The following CRISP1 variants were observed in gnomAD, a reference collection of about 807,000 sequenced individuals.
CRISP1 encodes cysteine-rich secretory protein 1.
Under a neutral mutation model 33.1 loss-of-function variants are expected in CRISP1, and 44 were observed. The observed-to-expected ratio is 1.33, with a 90% confidence interval of 1.05 to 1.71. The LOEUF is 1.71. Ranked by LOEUF, CRISP1 falls within the 40% of genes most tolerant of loss-of-function variation. CRISP1 has a pLI of 0.00. For missense variants in CRISP1, 390 were observed against 301.2 expected, an observed-to-expected ratio of 1.29 and a Z score of -2.18; for synonymous variants, 103 against 98.7, an observed-to-expected ratio of 1.04 and a Z score of -0.26.
At chr6:49,859,892 T>C (rs956385390) in intron 1 of CRISP1, among the ~76,000 whole-genome samples, 4 of 152,072 alleles carry the variant, frequency 2.6e-5, no homozygotes, top group Admixed American at 6.6e-5. Context: ...AAGATAGATA[T>C]AGACTGAAAG....
chr6:49,873,457 C>T (rs1441325942), intron 1 of CRISP1, among the ~76,000 whole-genome samples: 1 of 152,044 alleles, frequency 6.6e-6, no homozygotes, highest in African/African-American at 2.4e-5. Flanking sequence ...CAGCCAGGTC[C>T]TAGCATAAAG....
chr6:49,837,680 C>A (rs1582253189), intron 7 of CRISP1, among the ~76,000 whole-genome samples: 1 of 151,924 alleles, frequency 6.6e-6, no homozygotes. Context: ...AAATAAGTGG[C>A]CTTTCAAGTC....
At chr6:49,857,256 T>TA (rs1228525085) in intron 2 of CRISP1, 79 bp downstream of exon 2, 1 of 1,421,992 alleles carries the variant, frequency 7.0e-7, no homozygotes, top group Admixed American at 1.8e-5. Flanking sequence ...ACAGTGCCTC[T>TA]AACATGGTGA....
chr6:49,848,130 A>T, intron 4 of CRISP1, 79 bp downstream of exon 4: 1 of 773,134 alleles, frequency 1.3e-6, no homozygotes, highest in Non-Finnish European at 2.1e-6. Flanking sequence ...ATTTACTTTC[A>T]TCAGGGTACA....
At chr6:49,837,856 C>A (rs3799689) in intron 7 of CRISP1, among the ~76,000 whole-genome samples, 3 of 151,004 alleles carry the variant, frequency 2.0e-5, no homozygotes, top group East Asian at 3.9e-4. Context: ...GAAATGGCAC[C>A]CATTTGGCTA....
chr6:49,836,447 T>TGCCTCA (rs1261560522), intron 7 of CRISP1, among the ~76,000 whole-genome samples: 5 of 151,728 alleles, frequency 3.3e-5, no homozygotes, highest in Non-Finnish European at 7.4e-5. Flanking sequence ...GCCATTCTCC[T>TGCCTCA]GCCTCAGCCT....
chr6:49,862,263 A>G (rs1165706627), intron 1 of CRISP1, among the ~76,000 whole-genome samples: 1 of 152,196 alleles, frequency 6.6e-6, no homozygotes, highest in African/African-American at 2.4e-5. Context: ...ACGTAAAGAT[A>G]AATTTTACCA....
rs147433986 is a variant in CRISP1 at position 49,836,661 on chromosome 6, A to T, written c.623-1218T>A. ...GCCTACAAATTTTAAATTTACATTTATGTCTTACTGTTTATTATTTTAGTG... is the reference window on the plus strand; with the variant it reads ...GCCTACAAATTTTAAATTTACATTTTTGTCTTACTGTTTATTATTTTAGTG... On this transcript the variant is annotated intron_variant, in intron 7 of 7. Coordinates refer to ENST00000335847, the MANE Select transcript of CRISP1 (RefSeq NM_001131.3). 1.8e-4 allele frequency among the ~76,000 whole-genome samples: 28 copies of T among 152,214 alleles called. No homozygotes were observed. The East Asian group carries it at 5.0e-3, about 27-fold the overall frequency.
chr6:49,842,346 A>C (rs993962792), intron 5 of CRISP1, among the ~76,000 whole-genome samples: 1 of 152,172 alleles, frequency 6.6e-6, no homozygotes, highest in East Asian at 1.9e-4. Flanking sequence ...CTGAACATCT[A>C]TTTTGCTATG....
At chr6:49,857,476 C>A in intron 1 of CRISP1, 74 bp from the exon 2 acceptor site, 1 of 1,394,032 alleles carries the variant, frequency 7.2e-7, no homozygotes, top group African/African-American at 1.4e-5. Flanking sequence ...CTATTTAAAC[C>A]ACTTTTACAT....
upstream of CRISP1, among the ~76,000 whole-genome samples, chr6:49,867,842 A>C (rs554550774): frequency 8.5e-5 from 13 of 152,290 alleles, no homozygotes; most frequent in Non-Finnish European, 1.6e-4. Flanking sequence ...CATGATCTTG[A>C]AATTAACACT....
In CRISP1 at chr6:49,851,232, T is replaced by C. The variant is rs1470699915; in HGVS notation, c.195+769A>G. The stretch of plus-strand genomic sequence containing the variant: ...TCATTTGCAAGAGAAAGGTGCTCCT[T>C]AGAATCACCCTCCAGAGCCTGCACT... On this transcript the variant is annotated intron_variant, in intron 3 of 7. Transcript: ENST00000335847. 2.6e-5 allele frequency among the ~76,000 whole-genome samples: 4 copies of C among 152,226 alleles called. No homozygotes were observed. In the East Asian group the frequency reaches 7.7e-4, roughly 29 times the overall value.
At chr6:49,850,828 A>G (rs1049236283) in intron 3 of CRISP1, among the ~76,000 whole-genome samples, 1 of 152,014 alleles carries the variant, frequency 6.6e-6, no homozygotes, top group East Asian at 1.9e-4. Context: ...TGTACCTCCT[A>G]GGTAAACTTA....
intron 6 of CRISP1, among the ~76,000 whole-genome samples, chr6:49,840,042 T>C (rs186923664): frequency 1.3e-5 from 2 of 152,362 alleles, no homozygotes; most frequent in East Asian, 1.9e-4. Flanking sequence ...GAAAGACTTA[T>C]GTGTTAATCT....
chr6:49,858,817 G>T (rs765841916), intron 1 of CRISP1, among the ~76,000 whole-genome samples: 7 of 151,914 alleles, frequency 4.6e-5, no homozygotes, highest in Non-Finnish European at 1.0e-4. Context: ...TGAGGGGAGG[G>T]GCTTCAAGAA....
intron 2 of CRISP1, among the ~76,000 whole-genome samples, chr6:49,852,493 A>T (rs1291519321): frequency 1.3e-5 from 2 of 152,150 alleles, no homozygotes; most frequent in Non-Finnish European, 2.9e-5. Context: ...TATTCTCCAC[A>T]TCTCCCACCC....
In CRISP1 at chr6:49,851,881, T is replaced by C; in HGVS notation, c.195+120A>G. ...CTGGACCTCTGTTTCTTCTGCTATG[T>C]AAAAGATTTGTTGTGAAGATAAAAC... On this transcript the variant is annotated intron_variant, in intron 3 of 7. Transcript: ENST00000335847. The C allele has an allele frequency of 2.5e-6, 3 of 1,191,110 alleles. No individual in the cohort carries two copies. In the South Asian group the frequency reaches 4.8e-5, roughly 19 times the overall value. 73.8% of individuals were successfully genotyped at this position (1,191,110 alleles called of 1,614,324 possible).
Position 49,846,544 on chromosome 6 carries a change from GTCA to G in CRISP1, c.408_410del (p.Asp137del). On this transcript the variant is annotated inframe_deletion, in exon 5 of 8. Transcript: ENST00000335847. ...CCTGAGTGTAGTGGTCAGTAGTTAT[GTCA>G]TCATCCGTTGTTGTCCATTCTCCAT... The G allele has an allele frequency of 6.2e-7, 1 of 1,613,426 alleles. No individual in the cohort carries two copies. Among genetic ancestry groups the G allele is most frequent in the South Asian group, 1.1e-5 (1 of 91,036 alleles).
intron 1 of CRISP1, among the ~76,000 whole-genome samples, chr6:49,864,495 G>A (rs1007553881): frequency 2.6e-5 from 4 of 151,024 alleles, no homozygotes; most frequent in Non-Finnish European, 5.9e-5. Context: ...TCCTTTGGTA[G>A]GTATTGTCAA....
Sources: allele counts gnomAD v4.1 joint callset (sites outside exome capture counted in the v4.1 genomes callset), GRCh38; gene constraint gnomAD v4.1.1; transcripts MANE v1.5; gene names NCBI Gene and HGNC (gene_info 2026-07-23, HGNC 2026-07-21).